XKR9: variants seen among roughly 807,000 people sequenced by gnomAD.
XKR9 encodes the protein XK related 9, also known as XK-related protein 9.
In XKR9, 32 loss-of-function variants were observed where a neutral mutation model predicts 32.0. The observed-to-expected ratio is 1.00, with a 90% CI of 0.76 to 1.34. The LOEUF is 1.34. Ranked by LOEUF, XKR9 falls within the 40% of genes most tolerant of loss-of-function variation. XKR9 has a pLI of 0.00. For synonymous variants in XKR9, 168 were observed against 143.4 expected (o/e 1.17, Z -1.22); for missense variants, 546 against 429.7 (o/e 1.27, Z -2.39).
At chr8:70,745,992 T>C (rs1485547958) in intron 2 of XKR9, among the ~76,000 whole-genome samples, 1 of 152,208 alleles carries the variant, frequency 6.6e-6, no homozygotes. Context: ...GGGGTTAACA[T>C]GAACCATTTG....
chr8:70,858,454 A>G, the XKR9 span, among the ~76,000 whole-genome samples: 4 of 152,328 alleles, frequency 2.6e-5, no homozygotes, highest in African/African-American at 7.2e-5. Context: ...CCACCACTCA[A>G]TGAAATAAAA....
chr8:70,978,272 C>T, the XKR9 span, among the ~76,000 whole-genome samples: 10 of 152,210 alleles, frequency 6.6e-5, no homozygotes, highest in African/African-American at 1.9e-4. Flanking sequence ...TTTGATACTG[C>T]CATTATGATG....
At chr8:70,846,572 A>G in the XKR9 span, among the ~76,000 whole-genome samples, 1 of 152,012 alleles carries the variant, frequency 6.6e-6, no homozygotes, top group Admixed American at 6.6e-5. Context: ...TTTCCACTTA[A>G]AAGATATAGA....
the XKR9 span, among the ~76,000 whole-genome samples, chr8:71,044,245 A>T: frequency 6.6e-6 from 1 of 152,184 alleles, no homozygotes; most frequent in Non-Finnish European, 1.5e-5. Flanking sequence ...CTCAAAAAAG[A>T]CTTTCCCATT....
chr8:71,049,797 A>G, the XKR9 span, among the ~76,000 whole-genome samples: 3 of 152,178 alleles, frequency 2.0e-5, no homozygotes, highest in Admixed American at 6.5e-5. Context: ...TAAAGAGAGA[A>G]AAATGGGAGG....
At chr8:70,718,819 G>A (rs199865586) in intron 4 of XKR9, among the ~76,000 whole-genome samples, 14 of 152,128 alleles carry the variant, frequency 9.2e-5, no homozygotes, top group East Asian at 3.9e-4. Context: ...ATTTATAATC[G>A]TTTGGGTATA....
At chr8:70,863,463 C>G in the XKR9 span, among the ~76,000 whole-genome samples, 1 of 152,076 alleles carries the variant, frequency 6.6e-6, no homozygotes, top group Non-Finnish European at 1.5e-5. Context: ...AGGTAATTCC[C>G]CATTTAAACG....
the XKR9 span, among the ~76,000 whole-genome samples, chr8:70,827,137 C>G: frequency 1.0e-2 from 1,514 of 152,140 alleles, 23 homozygotes; most frequent in African/African-American, 0.035. Flanking sequence ...GAACATAAAA[C>G]TCTCTTTGAT....
At chr8:71,022,515 G>A in the XKR9 span, among the ~76,000 whole-genome samples, 1 of 152,132 alleles carries the variant, frequency 6.6e-6, no homozygotes. Context: ...TCCCTGAAGA[G>A]TGGCTAGATT....
the XKR9 span, among the ~76,000 whole-genome samples, chr8:71,062,541 G>A: frequency 1.3e-5 from 2 of 152,162 alleles, no homozygotes; most frequent in Non-Finnish European, 2.9e-5. Context: ...GGAGCAGGGA[G>A]ACACAAACAT....
chr8:70,894,058 G>T, the XKR9 span, among the ~76,000 whole-genome samples: 1 of 152,014 alleles, frequency 6.6e-6, no homozygotes, highest in African/African-American at 2.4e-5. Context: ...GCACTTGCCT[G>T]ATTCTGAGGA....
chr8:70,756,083 C>G (rs665962), intron 2 of XKR9, among the ~76,000 whole-genome samples: 1 of 152,022 alleles, frequency 6.6e-6, no homozygotes, highest in Non-Finnish European at 1.5e-5. Flanking sequence ...ATTCCTTTGC[C>G]TATGGCTATC....
the XKR9 span, among the ~76,000 whole-genome samples, chr8:70,841,953 T>A: frequency 6.6e-6 from 1 of 152,212 alleles, no homozygotes; most frequent in African/African-American, 2.4e-5. Context: ...CTCATCTCAC[T>A]CTCACCTACT....
intron 3 of XKR9, among the ~76,000 whole-genome samples, chr8:70,688,876 G>T (rs1439028719): frequency 1.3e-5 from 2 of 152,092 alleles, no homozygotes; most frequent in Admixed American, 1.3e-4. Context: ...AATTTCTAAT[G>T]AATCAAATAT....
At chr8:70,770,185 TAACA>T (rs1807435325) in intron 2 of XKR9, among the ~76,000 whole-genome samples, 1 of 152,216 alleles carries the variant, frequency 6.6e-6, no homozygotes, top group South Asian at 2.1e-4. Context: ...GTTTTCCTCC[TAACA>T]ATCAGTCCCC....
At chr8:70,886,986 C>T in the XKR9 span, among the ~76,000 whole-genome samples, 1 of 152,078 alleles carries the variant, frequency 6.6e-6, no homozygotes, top group Non-Finnish European at 1.5e-5. Flanking sequence ...ACCTAGTCAG[C>T]TCTCTTATTC....
intron 4 of XKR9, among the ~76,000 whole-genome samples, chr8:70,712,968 GA>G (rs904392838): frequency 5.3e-5 from 8 of 151,526 alleles, no homozygotes; most frequent in African/African-American, 1.9e-4. Context: ...GAGGAAATAG[GA>G]AAAAAAATCA....
the XKR9 span, among the ~76,000 whole-genome samples, chr8:70,870,149 A>T: frequency 6.6e-6 from 1 of 152,232 alleles, no homozygotes; most frequent in African/African-American, 2.4e-5. Context: ...GGTCTTAACT[A>T]GTATGATATT....
the XKR9 span, among the ~76,000 whole-genome samples, chr8:70,865,820 G>A: frequency 6.6e-6 from 1 of 152,206 alleles, no homozygotes; most frequent in Non-Finnish European, 1.5e-5. Flanking sequence ...ATCTGCTTTA[G>A]TTTGCTTCTG....
Sources: gnomAD v4.1 joint callset for allele counts (sites outside exome capture counted in the v4.1 genomes callset) on GRCh38, gnomAD v4.1.1 for gene constraint, MANE v1.5 for transcripts, NCBI Gene and HGNC (gene_info 2026-07-23, HGNC 2026-07-21) for gene names.